The following PDE3A variants were observed in gnomAD, a reference collection of about 807,000 sequenced individuals.
PDE3A encodes cGMP-inhibited 3',5'-cyclic phosphodiesterase 3A.
PDE3A carries 43 observed loss-of-function variants against 98.3 expected under a neutral mutation model. The ratio of observed to expected loss-of-function variants is 0.44; its 90% CI spans 0.34 to 0.56. The LOEUF (loss-of-function observed/expected upper bound fraction) is 0.56. PDE3A is among the 20% of genes least tolerant of loss of function. PDE3A has a pLI of 0.01. For missense variants in PDE3A, 1,427 were observed against 1,440.7 expected, an observed-to-expected ratio of 0.99 and a Z score of 0.15; for synonymous variants, 663 against 567.9, an observed-to-expected ratio of 1.17 and a Z score of -2.38.
At chr12:20,489,067 A>G (rs1436702990) in intron 1 of PDE3A, among the ~76,000 whole-genome samples, 1 of 152,204 alleles carries the variant, frequency 6.6e-6, no homozygotes, top group Non-Finnish European at 1.5e-5. Flanking sequence ...AGAGATTTCC[A>G]AATACCGTAC....
chr12:20,637,372 T>C (rs1944540774), intron 9 of PDE3A, 135 bp downstream of exon 9: 5 of 549,152 alleles, frequency 9.1e-6, no homozygotes. Flanking sequence ...CAACATTCTG[T>C]AGATTCCTTG....
At chr12:20,509,832 T>C (rs1314892245) in intron 1 of PDE3A, among the ~76,000 whole-genome samples, 1 of 152,060 alleles carries the variant, frequency 6.6e-6, no homozygotes, top group Non-Finnish European at 1.5e-5. Context: ...ATGCTGGTCT[T>C]AATTCATACT....
intron 1 of PDE3A, among the ~76,000 whole-genome samples, chr12:20,535,803 A>T (rs1941734275): frequency 6.6e-6 from 1 of 152,132 alleles, no homozygotes; most frequent in South Asian, 2.1e-4. Flanking sequence ...ATTGGTCAAA[A>T]CATTAATTAT....
In PDE3A at chr12:20,369,112, G is replaced by A; in HGVS notation, c.-173G>A. On this transcript the variant is annotated 5_prime_UTR_variant, in exon 1 of 16. Transcript: ENST00000359062. ...ATCTAGCATTCTCCAGGAGTTATTC[G>A]AAAGCTGAAACTTTCAGTGGATTGT... The A allele has an allele frequency of 1.8e-6, 1 of 554,166 alleles. No individual in the cohort carries two copies. 34.3% of individuals were successfully genotyped at this position (554,166 alleles called of 1,614,324 possible). A position where few individuals can be genotyped will look rare whatever the true frequency, so the allele number is the denominator to read the frequency against.
chr12:20,386,200 T>C (rs1293458259), intron 1 of PDE3A, among the ~76,000 whole-genome samples: 1 of 71,210 alleles, frequency 1.4e-5, no homozygotes, highest in Non-Finnish European at 2.5e-5. Context: ...TATAAATATA[T>C]AAAAATATAT....
chr12:20,584,990 C>G (rs1304917572), intron 2 of PDE3A, among the ~76,000 whole-genome samples: 1 of 152,252 alleles, frequency 6.6e-6, no homozygotes, highest in South Asian at 2.1e-4. Context: ...ATAGAAAATA[C>G]GTTAGAACTT....
intron 15 of PDE3A, among the ~76,000 whole-genome samples, chr12:20,675,984 T>G (rs1475979048): frequency 6.6e-6 from 1 of 152,238 alleles, no homozygotes; most frequent in African/African-American, 2.4e-5. Context: ...CCCAAGGTGA[T>G]TATCGATATC....
At position 20,646,550 on chromosome 12, in the gene PDE3A, C is replaced by G; in HGVS notation, c.2312C>G (p.Pro771Arg). The G allele has an allele frequency of 6.2e-7, 1 of 1,610,838 alleles. No individual in the cohort carries two copies. Among genetic ancestry groups the G allele is most frequent in the Non-Finnish European group, 8.5e-7 (1 of 1,177,078 alleles). Reference sequence around the variant, plus strand: ...GCTGTTTGGTATCTTACTACACAGCCTATTCCAGGCCTCTCAACTGTGATT... The same window carrying G: ...GCTGTTTGGTATCTTACTACACAGCGTATTCCAGGCCTCTCAACTGTGATT... ...LHAVWYLTTQ[P>R]IPGLSTVIND... The change falls in exon 11 of 16, where the codon CCT becomes CGT. Residue 771 changes from proline (P) to arginine (R), a missense_variant. Pro to Arg is a moderately radical substitution (Grantham distance 103). Around this residue, in one of 3 missense-constraint regions of PDE3A, gnomAD observed 273 missense variants for 420.3 expected, o/e 0.65. Transcript: ENST00000359062.
chr12:20,442,158 T>G (rs1944880728), intron 1 of PDE3A, among the ~76,000 whole-genome samples: 1 of 152,228 alleles, frequency 6.6e-6, no homozygotes, highest in South Asian at 2.1e-4. Context: ...CAAAATGGAA[T>G]TCAGTCATTG....
intron 2 of PDE3A, among the ~76,000 whole-genome samples, chr12:20,610,685 A>G (rs1202231556): frequency 6.6e-6 from 1 of 152,028 alleles, no homozygotes; most frequent in African/African-American, 2.4e-5. Flanking sequence ...TATACATACA[A>G]TGGAATAGCA....
chr12:20,427,353 G>A (rs1364848056), intron 1 of PDE3A, among the ~76,000 whole-genome samples: 1 of 152,162 alleles, frequency 6.6e-6, no homozygotes, highest in Non-Finnish European at 1.5e-5. Context: ...TATTTTTAAG[G>A]ATTGAGTAAA....
chr12:20,578,472 AAT>A (rs1408289116), intron 2 of PDE3A, among the ~76,000 whole-genome samples: 1 of 63,438 alleles, frequency 1.6e-5, no homozygotes, highest in East Asian at 4.2e-4. Flanking sequence ...TAATACAACT[AAT>A]ACACACACAC....
rs753922277 is a variant in PDE3A at position 20,616,248 on chromosome 12, C to T, written c.1288C>T (p.Pro430Ser). The change falls in exon 4 of 16, where the codon CCT becomes TCT. Residue 430 changes from proline to serine, a missense_variant. Transcript: ENST00000359062. Reference sequence around the variant, plus strand: ...TTCCTAGCGCCTGAGAAGGAGTTTGCCTCCTGGCTTGTTGAGACGAGTTTC... The same window carrying T: ...TTCCTAGCGCCTGAGAAGGAGTTTGTCTCCTGGCTTGTTGAGACGAGTTTC... ...AIPKRLRRSL[P>S]PGLLRRVSST... The T allele has an allele frequency of 1.2e-6, 2 of 1,613,808 alleles. No individual in the cohort carries two copies. The highest frequency in any genetic ancestry group is 1.7e-6 in the Non-Finnish European group (2 of 1,179,870).
intron 1 of PDE3A, among the ~76,000 whole-genome samples, chr12:20,457,118 A>G (rs974135843): frequency 6.6e-6 from 1 of 152,090 alleles, no homozygotes; most frequent in Non-Finnish European, 1.5e-5. Flanking sequence ...GTAGCAAGAA[A>G]ATTTCAAGCA....
chr12:20,649,575 C>T (rs908602933), intron 13 of PDE3A, among the ~76,000 whole-genome samples: 1 of 152,060 alleles, frequency 6.6e-6, no homozygotes, highest in African/African-American at 2.4e-5. Context: ...AAAGTAAATG[C>T]CCAAATATTA....
intron 4 of PDE3A, among the ~76,000 whole-genome samples, chr12:20,619,523 C>T (rs1944085090): frequency 6.6e-6 from 1 of 152,100 alleles, no homozygotes; most frequent in South Asian, 2.1e-4. Flanking sequence ...CATAATATTT[C>T]TTCACAGTAA....
chr12:20,673,815 A>T (rs1592173643), intron 15 of PDE3A, among the ~76,000 whole-genome samples: 2 of 150,810 alleles, frequency 1.3e-5, no homozygotes, highest in Non-Finnish European at 2.9e-5. Context: ...AACCTGCACA[A>T]TGTGCACATG....
intron 1 of PDE3A, among the ~76,000 whole-genome samples, chr12:20,472,265 ACT>A (rs1473128235): frequency 6.6e-6 from 1 of 151,864 alleles, no homozygotes; most frequent in Non-Finnish European, 1.5e-5. Flanking sequence ...TCTTCAGTAA[ACT>A]CTAGCCAACT....
chr12:20,588,916 C>T (rs1230741567), intron 2 of PDE3A, among the ~76,000 whole-genome samples: 1 of 151,818 alleles, frequency 6.6e-6, no homozygotes, highest in African/African-American at 2.4e-5. Context: ...ATGGGGTTAT[C>T]CTTTTTGTTT....
Sources: allele counts gnomAD v4.1 joint callset (sites outside exome capture counted in the v4.1 genomes callset), GRCh38; gene constraint gnomAD v4.1.1; regional missense constraint gnomAD v4.1.1; transcripts MANE v1.5; gene names NCBI Gene and HGNC (gene_info 2026-07-23, HGNC 2026-07-21).